Variants in ULK4 observed in about 807,000 individuals in gnomAD.
ULK4 encodes inactive serine/threonine-protein kinase ULK4.
ULK4 carries 133 observed loss-of-function variants against 160.6 expected under a neutral mutation model. The ratio of observed to expected loss-of-function variants is 0.83; its 90% CI spans 0.72 to 0.96. The LOEUF (loss-of-function observed/expected upper bound fraction) is 0.96, where lower values mean the gene tolerates loss of function less well. Ranked by LOEUF, ULK4 falls within the 40% of genes least tolerant of loss-of-function variation. The probability of loss-of-function intolerance (pLI) is 0.00; values close to 1 mark genes in which losing one functional copy is unlikely to be tolerated. For missense variants in ULK4, 1,580 were observed against 1,499.5 expected, an observed-to-expected ratio of 1.05 and a Z score of -0.89; for synonymous variants, 534 against 539.8, an observed-to-expected ratio of 0.99 and a Z score of 0.15.
intron 33 of ULK4, among the ~76,000 whole-genome samples, chr3:41,457,067 G>A (rs1445709302): frequency 6.6e-6 from 1 of 152,194 alleles, no homozygotes; most frequent in Non-Finnish European, 1.5e-5. Context: ...CACTATCCAA[G>A]AGGTCTGAAC....
rs369863422 is a variant in ULK4 at position 41,595,456 on chromosome 3, A to G, written c.3120+20213T>C. ...AAGGCTAATGAAGAATTACTAATAA[A>G]AGAATATTTGAAGCTATCAGCATAG... On this transcript the variant is annotated intron_variant, in intron 31 of 36. Coordinates refer to ENST00000301831, the MANE Select transcript of ULK4 (RefSeq NM_017886.4). Among the ~76,000 whole-genome samples the G allele has an allele frequency of 2.0e-5, 3 of 152,346 alleles. No homozygotes were observed. The East Asian group carries it at 5.8e-4, about 29-fold the overall frequency.
At chr3:41,721,351 T>TATATAC in intron 22 of ULK4, among the ~76,000 whole-genome samples, 1 of 63,014 alleles carries the variant, frequency 1.6e-5, no homozygotes, top group Admixed American at 1.9e-4. Flanking sequence ...TATATATATA[T>TATATAC]ATATATATAT....
chr3:41,367,344 G>A (rs1450915772), intron 35 of ULK4, among the ~76,000 whole-genome samples: 1 of 152,212 alleles, frequency 6.6e-6, no homozygotes, highest in Non-Finnish European at 1.5e-5. Context: ...AGAAATGGAT[G>A]AGAAAAGAAT....
At position 41,430,727 on chromosome 3, in the gene ULK4, C is replaced by T. The variant is rs564751632; in HGVS notation, c.3492+24770G>A. Among the ~76,000 whole-genome samples the T allele has an allele frequency of 1.2e-4, 19 of 152,252 alleles. No homozygotes were observed. In the South Asian group the frequency reaches 2.5e-3, roughly 20 times the overall value. ...GGGAGCCATAGGCAGGATAATTTTG[C>T]AGGCATTAAACAAAACAAAAAAGCC... is the stretch of plus-strand genomic sequence containing the variant. On this transcript the variant is annotated intron_variant, in intron 34 of 36. Coordinates refer to ENST00000301831, the MANE Select transcript of ULK4 (RefSeq NM_017886.4).
At chr3:41,897,345 C>A (rs1013808970) in intron 14 of ULK4, among the ~76,000 whole-genome samples, 1 of 152,106 alleles carries the variant, frequency 6.6e-6, no homozygotes, top group Non-Finnish European at 1.5e-5. Flanking sequence ...ATAAATAAAT[C>A]AACTCTCAAA....
intron 19 of ULK4, among the ~76,000 whole-genome samples, chr3:41,810,602 C>T (rs1222939233): frequency 6.6e-6 from 1 of 152,114 alleles, no homozygotes; most frequent in Non-Finnish European, 1.5e-5. Flanking sequence ...ATCGCTTGAG[C>T]TTAGGAGTTC....
At chr3:41,405,127 CTCTT>C (rs1487209667) in intron 34 of ULK4, among the ~76,000 whole-genome samples, 1 of 152,078 alleles carries the variant, frequency 6.6e-6, no homozygotes, top group Non-Finnish European at 1.5e-5. Context: ...TTGCCACCCT[CTCTT>C]TCTTTCCAAT....
chr3:41,574,424 T>C lies in ULK4; in HGVS notation c.3121-8294A>G, dbSNP rs542831660. Reference sequence around the variant, plus strand: ...TCTTGCATCTATCCTCTGCTCTCCATTCCCACTTACCTAACATCAGGCAAT... The same window carrying C: ...TCTTGCATCTATCCTCTGCTCTCCACTCCCACTTACCTAACATCAGGCAAT... On this transcript the variant is annotated intron_variant, in intron 31 of 36. Transcript: ENST00000301831. Among the ~76,000 whole-genome samples the C allele has an allele frequency of 1.1e-4, 17 of 151,474 alleles. 1 individual carries two copies. In the East Asian group the frequency reaches 2.7e-3, roughly 24 times the overall value.
intron 32 of ULK4, among the ~76,000 whole-genome samples, chr3:41,511,699 T>TTA (rs1279007860): frequency 6.6e-6 from 1 of 152,152 alleles, no homozygotes; most frequent in East Asian, 1.9e-4. Flanking sequence ...CACAACTGAA[T>TTA]TATATCAGAC....
intron 30 of ULK4, among the ~76,000 whole-genome samples, chr3:41,618,875 G>C (rs2033107597): frequency 6.6e-6 from 1 of 151,676 alleles, no homozygotes. Context: ...GTATTCAGGA[G>C]ACCCATCTCA....
intron 34 of ULK4, among the ~76,000 whole-genome samples, chr3:41,413,858 G>A (rs1376769013): frequency 6.6e-6 from 1 of 152,056 alleles, no homozygotes; most frequent in Non-Finnish European, 1.5e-5. Flanking sequence ...TTAGAAAAAG[G>A]AGCGCCCAGA....
At chr3:41,855,313 C>T (rs1054847947) in intron 17 of ULK4, among the ~76,000 whole-genome samples, 1 of 152,208 alleles carries the variant, frequency 6.6e-6, no homozygotes, top group Non-Finnish European at 1.5e-5. Flanking sequence ...GAGGGAGAAA[C>T]CATTCCAGGC....
chr3:41,800,232 G>A lies in ULK4; in HGVS notation c.1910C>T (p.Ser637Phe). Reference protein sequence around the residue: ...KIIENVCTTFSAQSQGFITGE... With the variant: ...KIIENVCTTFFAQSQGFITGE... ...TGTAATAAAGCCCTGGGACTGAGCA[G>A]AAAAGGTGGTACAGACATTTTCAAT... The change falls in exon 20 of 37, where the codon TCT becomes TTT. Residue 637 changes from serine (S) to phenylalanine (F), a missense_variant. Physicochemically the swap from Ser to Phe is radical, Grantham distance 155. Transcript: ENST00000301831. The A allele has an allele frequency of 1.2e-6, 2 of 1,613,506 alleles. No homozygotes were observed. The highest frequency in any genetic ancestry group is 1.7e-6 in the Non-Finnish European group (2 of 1,179,790).
At chr3:41,522,129 CTT>C (rs57720185) in intron 32 of ULK4, among the ~76,000 whole-genome samples, 11 of 135,914 alleles carry the variant, frequency 8.1e-5, no homozygotes, top group Non-Finnish European at 1.3e-4. Flanking sequence ...TCTTTTTTTT[CTT>C]TTTTTTTTTT....
intron 30 of ULK4, among the ~76,000 whole-genome samples, chr3:41,628,566 AT>A (rs2033621040): frequency 6.6e-6 from 1 of 152,212 alleles, no homozygotes; most frequent in African/African-American, 2.4e-5. Flanking sequence ...ACAAAAACGT[AT>A]TATGGTTATG....
intron 33 of ULK4, among the ~76,000 whole-genome samples, chr3:41,456,900 A>G (rs1477069272): frequency 6.6e-6 from 1 of 152,164 alleles, no homozygotes; most frequent in African/African-American, 2.4e-5. Flanking sequence ...TTTGGTTCAG[A>G]AGAACTTGAC....
intron 32 of ULK4, among the ~76,000 whole-genome samples, chr3:41,478,251 A>AC (rs2084205030): frequency 6.6e-6 from 1 of 152,196 alleles, no homozygotes; most frequent in African/African-American, 2.4e-5. Flanking sequence ...GAAGTAAAGT[A>AC]CCCCATCAAA....
chr3:41,460,997 A>AC (rs2083671171), intron 33 of ULK4, among the ~76,000 whole-genome samples: 1 of 152,116 alleles, frequency 6.6e-6, no homozygotes, highest in African/African-American at 2.4e-5. Flanking sequence ...TCCCCACCAC[A>AC]CCACTGAGTC....
At chr3:41,462,958 C>A in intron 33 of ULK4, 129 bp downstream of exon 33, 1 of 1,126,986 alleles carries the variant, frequency 8.9e-7, no homozygotes, top group Non-Finnish European at 1.2e-6. Context: ...TCAGAAGACA[C>A]TCTCTATAGA....
Sources: gnomAD v4.1 joint callset for allele counts (sites outside exome capture counted in the v4.1 genomes callset) on GRCh38, gnomAD v4.1.1 for gene constraint, MANE v1.5 for transcripts, NCBI Gene and HGNC (gene_info 2026-07-23, HGNC 2026-07-21) for gene names.